The following TTC23 variants were observed in gnomAD, a reference collection of about 807,000 sequenced individuals.
TTC23 encodes tetratricopeptide repeat domain 23.
A neutral mutation model predicts 55.1 loss-of-function variants in TTC23; 58 were observed. That is an observed-to-expected ratio of 1.05 (90% CI 0.85 to 1.31). TTC23 has a LOEUF of 1.31. Among genes scored for constraint, TTC23 ranks in the 50% most tolerant of loss-of-function variants. The pLI is 0.00. For missense variants in TTC23, 516 were observed against 534.4 expected, an observed-to-expected ratio of 0.97 and a Z score of 0.34; for synonymous variants, 203 against 199.9, an observed-to-expected ratio of 1.02 and a Z score of -0.13.
intron 12 of TTC23, chr15:99,148,400 G>A (rs1198833321): frequency 1.0e-4 from 10 of 99,872 alleles, no homozygotes; most frequent in East Asian, 3.3e-4. Context: ...CCTTCTTAGC[G>A]TTGGCTTTCT....
intron 9 of TTC23, among the ~76,000 whole-genome samples, chr15:99,185,309 A>G (rs1275536332): frequency 6.6e-6 from 1 of 152,194 alleles, no homozygotes; most frequent in Admixed American, 6.5e-5. Flanking sequence ...GCCAATAAGA[A>G]GCGCGACCAT....
In TTC23 at chr15:99,241,026, T is replaced by C. The variant is rs1242475069; in HGVS notation, c.-114+339A>G. ...CAGTAACATCCTCAACATAAAAACA[T>C]ACTTCTCAGGCAGGGCGCGGGGGCT... On this transcript the variant is annotated intron_variant, in intron 3 of 13. Transcript: ENST00000394132. Among the ~76,000 whole-genome samples the C allele has an allele frequency of 2.0e-5, 3 of 152,134 alleles. No homozygotes were observed. The East Asian group carries it at 5.8e-4, about 29-fold the overall frequency.
At chr15:99,222,217 C>T (rs34930977) in intron 5 of TTC23, among the ~76,000 whole-genome samples, 8,920 of 152,206 alleles carry the variant, frequency 0.059, 287 homozygotes, top group African/African-American at 0.074. Flanking sequence ...CATATGCAGG[C>T]ACAACAGGGG....
At chr15:99,191,013 G>A (rs2075208711) in intron 9 of TTC23, among the ~76,000 whole-genome samples, 1 of 151,984 alleles carries the variant, frequency 6.6e-6, no homozygotes, top group African/African-American at 2.4e-5. Flanking sequence ...TTGAACTTCT[G>A]AGCTCAAGCG....
intron 8 of TTC23, among the ~76,000 whole-genome samples, chr15:99,212,141 G>A (rs2077085243): frequency 6.6e-6 from 1 of 152,226 alleles, no homozygotes; most frequent in East Asian, 1.9e-4. Context: ...TGGACATGCT[G>A]TGGGAGACTT....
At chr15:99,169,343 C>CTCTCTTAT (rs1281675637) in intron 10 of TTC23, among the ~76,000 whole-genome samples, 1 of 152,082 alleles carries the variant, frequency 6.6e-6, no homozygotes, top group African/African-American at 2.4e-5. Flanking sequence ...CCATGGCTTA[C>CTCTCTTAT]TCTCACTTGA....
At chr15:99,214,755 T>C (rs1419637266) in intron 8 of TTC23, among the ~76,000 whole-genome samples, 1 of 151,940 alleles carries the variant, frequency 6.6e-6, no homozygotes, top group African/African-American at 2.4e-5. Flanking sequence ...GTTTTCATTT[T>C]CTGATAACTG....
intron 12 of TTC23, among the ~76,000 whole-genome samples, chr15:99,153,974 A>C (rs994809676): frequency 2.0e-5 from 3 of 152,252 alleles, no homozygotes; most frequent in African/African-American, 7.2e-5. Context: ...AATAAATCTG[A>C]AAATATAAGT....
rs756284659 is a variant in TTC23, at chr15:99,221,897, T to C, written c.181-33A>G. 1.2e-5 allele frequency: 19 copies of C among 1,611,102 alleles called. No homozygotes were observed. In the Admixed American group the frequency reaches 2.7e-4, roughly 23 times the overall value. On this transcript the variant is annotated intron_variant, in intron 5 of 13. Transcript: ENST00000394132. ...GAAGAGAAAACAGGCTTACCAGTTATACAACTTAAGAGTCACAAAACACAA... is the reference window on the plus strand; with the variant it reads ...GAAGAGAAAACAGGCTTACCAGTTACACAACTTAAGAGTCACAAAACACAA...
intron 12 of TTC23, among the ~76,000 whole-genome samples, chr15:99,144,020 G>C (rs2068539850): frequency 6.6e-6 from 1 of 152,180 alleles, no homozygotes; most frequent in Non-Finnish European, 1.5e-5. Flanking sequence ...CTGGGTGTGT[G>C]GTGTGAAAAG....
At chr15:99,225,552 A>G (rs191870419) in intron 5 of TTC23, among the ~76,000 whole-genome samples, 27 of 152,358 alleles carry the variant, frequency 1.8e-4, no homozygotes, top group Admixed American at 1.6e-3. Flanking sequence ...CCGAGCTTCC[A>G]TGAAAATAAC....
intron 6 of TTC23, among the ~76,000 whole-genome samples, chr15:99,220,173 C>G (rs1422816615): frequency 1.3e-5 from 2 of 152,112 alleles, no homozygotes; most frequent in Non-Finnish European, 2.9e-5. Context: ...GGATGGATCC[C>G]CTGCTCCACC....
At chr15:99,158,264 C>G (rs558814893) in intron 11 of TTC23, 21 of 152,224 alleles carry the variant, frequency 1.4e-4, no homozygotes, top group Admixed American at 8.5e-4. Flanking sequence ...ACTTGGACTG[C>G]TGAGAGTGCT....
At chr15:99,193,729 T>G (rs1169651066) in intron 9 of TTC23, among the ~76,000 whole-genome samples, 1 of 152,160 alleles carries the variant, frequency 6.6e-6, no homozygotes, top group Admixed American at 6.5e-5. Flanking sequence ...AAGTTTGTAC[T>G]GGGCACGGTG....
intron 10 of TTC23, among the ~76,000 whole-genome samples, chr15:99,163,334 G>A (rs2071640720): frequency 6.6e-6 from 1 of 152,186 alleles, no homozygotes; most frequent in Non-Finnish European, 1.5e-5. Context: ...GGAGCTGAGA[G>A]GGGTCACTGG....
intron 11 of TTC23, chr15:99,161,205 T>C (rs1294045667): frequency 6.6e-6 from 1 of 152,398 alleles, no homozygotes; most frequent in Non-Finnish European, 1.5e-5. Flanking sequence ...CACACACATA[T>C]ATAAAAACAT....
chr15:99,228,017 C>T (rs567785442), intron 5 of TTC23, among the ~76,000 whole-genome samples: 20 of 152,326 alleles, frequency 1.3e-4, no homozygotes, highest in African/African-American at 4.8e-4. Flanking sequence ...CGAGTCCCTC[C>T]AAGACAAAGA....
chr15:99,208,884 T>C (rs2076828715), intron 8 of TTC23, among the ~76,000 whole-genome samples: 1 of 152,176 alleles, frequency 6.6e-6, no homozygotes, highest in African/African-American at 2.4e-5. Flanking sequence ...AGCAATATTT[T>C]CTCCTTTCCA....
Position 99,249,530 on chromosome 15 carries a change from A to G in TTC23, c.-790T>C, listed in dbSNP as rs1366128583. On this transcript the variant is annotated 5_prime_UTR_variant, in exon 1 of 14. The change abolishes the stop of an existing upstream ORF in the 5' untranslated region. Transcript: ENST00000394132. ...CAGATTGATAACCATGAAAAAGTCT[A>G]AAGTAGGGCAGTTCCGGAGCAGCCT... is the stretch of plus-strand genomic sequence containing the variant. 1 of 152,170 alleles carries G rather than the reference A, an allele frequency of 6.6e-6. No individual in the cohort carries two copies. Among genetic ancestry groups the G allele is most frequent in the Non-Finnish European group, 1.5e-5 (1 of 68,052 alleles). The allele number at this position is 152,170 out of a possible 1,614,324, so 9.4% of individuals were successfully genotyped here.
Sources: allele counts gnomAD v4.1 joint callset (sites outside exome capture counted in the v4.1 genomes callset), GRCh38; gene constraint gnomAD v4.1.1; transcripts MANE v1.5; gene names NCBI Gene and HGNC (gene_info 2026-07-23, HGNC 2026-07-21).